Variants in STARD13 observed in about 807,000 individuals in gnomAD.
The protein encoded by STARD13 is stAR-related lipid transfer protein 13.
A neutral mutation model predicts 106.4 loss-of-function variants in STARD13; 62 were observed. That is an observed-to-expected ratio of 0.58 (90% CI 0.48 to 0.72). STARD13 has a LOEUF of 0.72. Among genes scored for constraint, STARD13 ranks in the 30% least tolerant of loss-of-function variants. The probability of loss-of-function intolerance (pLI) is 0.00; values close to 1 mark genes in which losing one functional copy is unlikely to be tolerated. For missense variants in STARD13, 1,387 were observed against 1,424.0 expected (o/e 0.97, Z 0.42); for synonymous variants, 565 against 553.0 (o/e 1.02, Z -0.31).
the STARD13 span, among the ~76,000 whole-genome samples, chr13:33,578,949 A>ATACC: frequency 6.6e-6 from 1 of 152,188 alleles, no homozygotes; most frequent in Non-Finnish European, 1.5e-5. Context: ...CCACAATGAG[A>ATACC]TACCACCTTA....
the STARD13 span, among the ~76,000 whole-genome samples, chr13:33,500,765 A>G: frequency 1.4e-4 from 22 of 152,288 alleles, no homozygotes; most frequent in East Asian, 4.2e-3. Context: ...CAGGAATTCT[A>G]TCATGAGGGC....
intron 1 of STARD13, among the ~76,000 whole-genome samples, chr13:33,173,938 C>A (rs957123770): frequency 6.6e-6 from 1 of 152,172 alleles, no homozygotes; most frequent in African/African-American, 2.4e-5. Flanking sequence ...CTTTCCCAAA[C>A]GCAAGAATGA....
At chr13:33,460,505 G>T in the STARD13 span, among the ~76,000 whole-genome samples, 4 of 149,018 alleles carry the variant, frequency 2.7e-5, no homozygotes, top group Non-Finnish European at 4.5e-5. Flanking sequence ...AAAAAAAAAA[G>T]AAAGATTGTT....
At chr13:33,441,464 A>T in the STARD13 span, among the ~76,000 whole-genome samples, 1 of 152,298 alleles carries the variant, frequency 6.6e-6, no homozygotes, top group Admixed American at 6.5e-5. Flanking sequence ...TAGCCATATG[A>T]CCTTAAAAAA....
chr13:33,241,572 G>A (rs1354616927), intron 1 of STARD13, among the ~76,000 whole-genome samples: 10 of 100,980 alleles, frequency 9.9e-5, no homozygotes, highest in Admixed American at 4.3e-4. Context: ...CCCTTTGCAC[G>A]GTCTCCCTCT....
chr13:33,437,222 T>C, the STARD13 span, among the ~76,000 whole-genome samples: 1 of 152,154 alleles, frequency 6.6e-6, no homozygotes, highest in African/African-American at 2.4e-5. Context: ...AAAATCCCTA[T>C]CCTGTTTTGT....
At chr13:33,487,393 CA>C in the STARD13 span, among the ~76,000 whole-genome samples, 1 of 151,960 alleles carries the variant, frequency 6.6e-6, no homozygotes, top group Non-Finnish European at 1.5e-5. Context: ...GAAAAGAATC[CA>C]AAAGTTAAAA....
chr13:33,225,367 C>T (rs1372780549), intron 1 of STARD13, among the ~76,000 whole-genome samples: 2 of 152,282 alleles, frequency 1.3e-5, no homozygotes, highest in East Asian at 1.9e-4. Flanking sequence ...AGTCAGTCAC[C>T]ACTTCTGGCC....
chr13:33,112,942 G>C lies in STARD13; in HGVS notation c.2282-11C>G, dbSNP rs1874836840. On this transcript the variant is annotated splice_polypyrimidine_tract_variant and intron_variant, in intron 8 of 13. Transcript: ENST00000336934. ...GCTCTTTGGAGACATCTGAGGAAAA[G>C]TGGATGCCAGGTCATTGGAGGAGCA... 6.3e-7 allele frequency: 1 copy of C among 1,592,706 alleles called. No individual in the cohort carries two copies. Among genetic ancestry groups the C allele is most frequent in the East Asian group, 2.2e-5 (1 of 44,636 alleles).
chr13:33,150,140 G>A (rs573053138), intron 3 of STARD13, among the ~76,000 whole-genome samples: 11 of 152,094 alleles, frequency 7.2e-5, no homozygotes, highest in South Asian at 6.2e-4. Flanking sequence ...TGATAGGCTC[G>A]GTAGGCTTTT....
the STARD13 span, among the ~76,000 whole-genome samples, chr13:33,375,812 G>GT: frequency 2.0e-5 from 3 of 152,060 alleles, no homozygotes; most frequent in African/African-American, 7.2e-5. Flanking sequence ...GTTTTTATTA[G>GT]CAGGGAGGGG....
chr13:33,419,061 C>T, the STARD13 span, among the ~76,000 whole-genome samples: 4 of 152,174 alleles, frequency 2.6e-5, no homozygotes, highest in African/African-American at 9.7e-5. Context: ...ATCTTCTCCT[C>T]CAAAGGACTG....
At chr13:33,143,420 G>A (rs767187106) in intron 3 of STARD13, among the ~76,000 whole-genome samples, 4 of 152,102 alleles carry the variant, frequency 2.6e-5, no homozygotes, top group African/African-American at 4.8e-5. Context: ...TCAACACAAC[G>A]TTTGTGAGAT....
intron 1 of STARD13, among the ~76,000 whole-genome samples, chr13:33,232,114 G>T (rs561156407): frequency 1.6e-4 from 24 of 152,046 alleles, no homozygotes; most frequent in Non-Finnish European, 3.2e-4. Context: ...GGAGTTCGAG[G>T]CCAGCCTGGC....
intron 1 of STARD13, among the ~76,000 whole-genome samples, chr13:33,207,095 G>A (rs1887460046): frequency 6.6e-6 from 1 of 152,182 alleles, no homozygotes; most frequent in African/African-American, 2.4e-5. Flanking sequence ...ATCTGGCAGA[G>A]GATGATACCA....
At chr13:33,352,681 G>T (rs2078090084), upstream of STARD13, among the ~76,000 whole-genome samples, 1 of 152,234 alleles carries the variant, frequency 6.6e-6, no homozygotes, top group East Asian at 1.9e-4. Flanking sequence ...TGCCGGCTGA[G>T]CAGTGTGTGC....
At chr13:33,641,092 T>TG in the STARD13 span, among the ~76,000 whole-genome samples, 1 of 152,124 alleles carries the variant, frequency 6.6e-6, no homozygotes, top group Non-Finnish European at 1.5e-5. Context: ...ATAGACTGAG[T>TG]GGGGAAACCC....
chr13:33,113,946 T>C (rs927623750), intron 8 of STARD13, among the ~76,000 whole-genome samples: 8 of 152,144 alleles, frequency 5.3e-5, no homozygotes, highest in Non-Finnish European at 1.0e-4. Flanking sequence ...CTGTTGTCTT[T>C]CTTAAAGTGC....
the STARD13 span, among the ~76,000 whole-genome samples, chr13:33,482,484 C>T: frequency 2.6e-5 from 4 of 152,044 alleles, no homozygotes; most frequent in African/African-American, 9.7e-5. Flanking sequence ...TATATTTCTA[C>T]AACAAAAATA....
Sources: allele counts gnomAD v4.1 joint callset (sites outside exome capture counted in the v4.1 genomes callset), GRCh38; gene constraint gnomAD v4.1.1; transcripts MANE v1.5; gene names NCBI Gene and HGNC (gene_info 2026-07-23, HGNC 2026-07-21).